Variants in AKAP12 observed in about 807,000 individuals in gnomAD.
AKAP12 encodes A-kinase anchor protein 12.
In AKAP12, 32 loss-of-function variants were observed where a neutral mutation model predicts 79.9. The observed-to-expected ratio is 0.40, with a 90% CI of 0.30 to 0.54. The LOEUF (loss-of-function observed/expected upper bound fraction) is 0.54. Ranked by LOEUF, AKAP12 falls within the 20% of genes least tolerant of loss-of-function variation. AKAP12 has a pLI of 0.48. For missense variants in AKAP12, 2,074 were observed against 2,177.0 expected (o/e 0.95, Z 0.94); for synonymous variants, 808 against 857.0 (o/e 0.94, Z 1.00).
chr6:151,334,741 C>T (rs774709422), intron 3 of AKAP12, among the ~76,000 whole-genome samples: 8 of 151,678 alleles, frequency 5.3e-5, no homozygotes, highest in Non-Finnish European at 8.8e-5. Flanking sequence ...CCTGCCTCAG[C>T]CTCCCGAGTA....
chr6:151,350,596 T>C lies in AKAP12; in HGVS notation c.2205T>C (p.His735=), dbSNP rs757302360. Residue 735 remains histidine (H), a synonymous_variant, in exon 4 of 5, where the codon CAT becomes CAC. Transcript: ENST00000402676. This position sits in a 1 kb window ranked among gnomAD's most constrained non-coding sequence, Gnocchi z 4.8. ...TDGILAGSQE[H]DPGQGSSSPE... ...GGATCCTTGCTGGTTCCCAAGAACA[T>C]GATCCAGGGCAGGGAAGTTCCTCCC... 1.4e-5 allele frequency: 23 copies of C among 1,614,012 alleles called. No individual in the cohort carries two copies. The South Asian group carries it at 2.3e-4, about 16-fold the overall frequency.
chr6:151,312,109 CTT>C (rs1777118637), intron 3 of AKAP12, among the ~76,000 whole-genome samples: 1 of 152,186 alleles, frequency 6.6e-6, no homozygotes, highest in Non-Finnish European at 1.5e-5. Context: ...TCCTCCTTTC[CTT>C]TTCTCTACAC....
intron 3 of AKAP12, among the ~76,000 whole-genome samples, chr6:151,336,687 G>A (rs1191666878): frequency 6.6e-6 from 1 of 152,130 alleles, no homozygotes; most frequent in Admixed American, 6.5e-5. Flanking sequence ...GGTTGCAGTG[G>A]AACTGAGATC....
Position 151,350,105 on chromosome 6 carries a change from G to A in AKAP12, c.1714G>A (p.Glu572Lys). 1 of 1,614,086 alleles carries A rather than the reference G, an allele frequency of 6.2e-7. No homozygotes were observed. Among genetic ancestry groups the A allele is most frequent in the East Asian group, 2.2e-5 (1 of 44,866 alleles). The change falls in exon 4 of 5, where the codon GAG (glutamate) becomes AAG (lysine). Residue 572 changes from glutamate (E) to lysine (K), a missense_variant. This residue lies in a region of AKAP12 where 1,428 missense variants were observed against 1,451.0 expected (regional missense o/e 0.98). Transcript: ENST00000402676. The surrounding 1 kb of genome is among the most constrained non-coding windows in gnomAD (Gnocchi z 4.8). ...CGAGAGCTCTGCCTCATCCCCTGAGGAGCCCGAGGAGATCACGTGTCTGGA... is the reference window on the plus strand; with the variant it reads ...CGAGAGCTCTGCCTCATCCCCTGAGAAGCCCGAGGAGATCACGTGTCTGGA... Reference protein sequence around the residue: ...KGESSASSPEEPEEITCLEKG... With the variant: ...KGESSASSPEKPEEITCLEKG...
chr6:151,342,024 C>G (rs6901885), intron 3 of AKAP12, among the ~76,000 whole-genome samples: 122,580 of 152,222 alleles, frequency 0.81, 49,527 homozygotes, highest in Admixed American at 0.84. Context: ...CCTACCTCCC[C>G]GAAGACTCTG....
chr6:151,253,001 G>A (rs2114687203), intron 2 of AKAP12, among the ~76,000 whole-genome samples: 1 of 152,266 alleles, frequency 6.6e-6, no homozygotes, highest in African/African-American at 2.4e-5. Context: ...TCTGCCCTTT[G>A]GTTTGTTGTT....
intron 2 of AKAP12, among the ~76,000 whole-genome samples, chr6:151,284,517 A>G (rs2075001297): frequency 6.6e-6 from 1 of 152,136 alleles, no homozygotes; most frequent in South Asian, 2.1e-4. Context: ...AGTCCCAGCT[A>G]CTTGGGGGGC....
intron 2 of AKAP12, among the ~76,000 whole-genome samples, chr6:151,240,928 G>C (rs919720769): frequency 6.6e-6 from 1 of 152,202 alleles, no homozygotes; most frequent in East Asian, 1.9e-4. Context: ...CGAGCGCGGC[G>C]GGGGGCTTGC....
rs746779733 is a variant in AKAP12 at position 151,350,587 on chromosome 6, C to T, written c.2196C>T (p.Ser732=). Residue 732 remains serine, a synonymous_variant, in exon 4 of 5, where the codon TCC becomes TCT. Coordinates refer to ENST00000402676, the MANE Select transcript of AKAP12 (RefSeq NM_005100.4). The surrounding 1 kb of genome is among the most constrained non-coding windows in gnomAD (Gnocchi z 4.8). ...ETGTDGILAG[S]QEHDPGQGSS... ...GGACAGACGGGATCCTTGCTGGTTC[C>T]CAAGAACATGATCCAGGGCAGGGAA... The T allele has an allele frequency of 6.4e-5, 103 of 1,613,880 alleles. No homozygotes were observed. Among genetic ancestry groups the T allele is most frequent in the Non-Finnish European group, 8.6e-5 (102 of 1,180,002 alleles).
intron 2 of AKAP12, among the ~76,000 whole-genome samples, chr6:151,304,993 A>G (rs1077716): frequency 0.071 from 10,868 of 152,218 alleles, 892 homozygotes; most frequent in East Asian, 0.31. Context: ...GACATGTTAT[A>G]TGTGTCTTGT....
At chr6:151,299,290 C>A (rs11155782) in intron 2 of AKAP12, among the ~76,000 whole-genome samples, 43,819 of 152,032 alleles carry the variant, frequency 0.29, 7,538 homozygotes, top group Non-Finnish European at 0.41. Flanking sequence ...TGAACCCTGG[C>A]AAGCAAGGTT....
intron 3 of AKAP12, among the ~76,000 whole-genome samples, chr6:151,335,073 T>C (rs2114799680): frequency 2.0e-5 from 3 of 152,302 alleles, no homozygotes; most frequent in South Asian, 2.1e-4. Context: ...CTCGGGAATG[T>C]TTTTGACAAA....
intron 3 of AKAP12, among the ~76,000 whole-genome samples, chr6:151,335,166 C>T (rs138484921): frequency 2.0e-5 from 3 of 152,186 alleles, no homozygotes; most frequent in Admixed American, 2.0e-4. Flanking sequence ...GTTTTGAAGA[C>T]TTTATTCAGA....
intron 3 of AKAP12, among the ~76,000 whole-genome samples, chr6:151,344,722 CGG>C (rs1778043877): frequency 6.6e-6 from 1 of 151,940 alleles, no homozygotes; most frequent in Non-Finnish European, 1.5e-5. Context: ...TTAGTAGAGA[CGG>C]GGTTTCACCA....
intron 3 of AKAP12, among the ~76,000 whole-genome samples, chr6:151,344,682 C>T (rs985470505): frequency 6.6e-6 from 1 of 152,006 alleles, no homozygotes; most frequent in Non-Finnish European, 1.5e-5. Flanking sequence ...TACAGGCACC[C>T]GCCACTACGC....
In AKAP12 at chr6:151,356,721, T is replaced by C. The variant is rs1778450953; in HGVS notation, c.*1007T>C. The C allele has an allele frequency of 6.6e-6, 1 of 152,240 alleles. No homozygotes were observed. The highest frequency in any genetic ancestry group is 2.4e-5 in the African/African-American group (1 of 41,462). The allele number at this position is 152,240 out of a possible 1,614,324, so 9.4% of individuals were successfully genotyped here. The stretch of plus-strand genomic sequence containing the variant: ...TAAGAACAATGTTGCAACACATTCA[T>C]TTGGATAAGTTGTGATTTGACGACT... On this transcript the variant is annotated 3_prime_UTR_variant, in exon 5 of 5. Transcript: ENST00000402676.
chr6:151,257,425 T>C (rs1198530660), intron 2 of AKAP12, among the ~76,000 whole-genome samples: 1 of 152,148 alleles, frequency 6.6e-6, no homozygotes. Context: ...GCCTCCTGAG[T>C]AGCTGGGATT....
rs1275872888 is a variant in AKAP12, at chr6:151,240,401, G to C, written c.-162G>C. 1.5e-6 allele frequency: 1 copy of C among 647,406 alleles called. No individual in the cohort carries two copies. The highest frequency in any genetic ancestry group is 2.2e-6 in the Non-Finnish European group (1 of 446,930). The allele number at this position is 647,406 out of a possible 1,614,324, so 40.1% of individuals were successfully genotyped here. The stretch of plus-strand genomic sequence containing the variant: ...CTTTTAAGGAGTTTGCCGCGAGCGC[G>C]TCTCCTTCATTCGCAGGCTGGGCGC... On this transcript the variant is annotated 5_prime_UTR_variant, in exon 2 of 5. Transcript: ENST00000402676.
chr6:151,302,845 C>T lies in AKAP12; in HGVS notation c.163-2902C>T, dbSNP rs570129669. 6.6e-5 allele frequency among the ~76,000 whole-genome samples: 10 copies of T among 152,270 alleles called. 1 individual carries two copies. In the South Asian group the frequency reaches 2.1e-3, roughly 32 times the overall value. ...CTGCTTTCCTCCCCCAACTTTTCTT[C>T]CTGTTACTAATCAAATCTAAGTCCT... On this transcript the variant is annotated intron_variant, in intron 2 of 4. Transcript: ENST00000402676.
Sources: gnomAD v4.1 joint callset for allele counts (sites outside exome capture counted in the v4.1 genomes callset) on GRCh38, gnomAD v4.1.1 for gene constraint, gnomAD v4.1.1 regional missense constraint, Gnocchi (gnomAD v3.1) non-coding constraint, MANE v1.5 for transcripts, NCBI Gene and HGNC (gene_info 2026-07-23, HGNC 2026-07-21) for gene names.